GALNT17: variants seen among roughly 807,000 people sequenced by gnomAD.
GALNT17 encodes polypeptide N-acetylgalactosaminyltransferase 17, also known as UDP-GalNAc:polypeptide N-acetylgalactosaminyltransferase-like 3.
Under a neutral mutation model 63.7 loss-of-function variants are expected in GALNT17, and 29 were observed. That is an observed-to-expected ratio of 0.46 (90% CI 0.34 to 0.62). The LOEUF (loss-of-function observed/expected upper bound fraction) is 0.62, where lower values mean the gene tolerates loss of function less well. Among genes scored for constraint, GALNT17 ranks in the 20% least tolerant of loss-of-function variants. The pLI is 0.01. For missense variants in GALNT17, 603 were observed against 799.6 expected (o/e 0.75, Z 2.97); for synonymous variants, 305 against 318.3 (o/e 0.96, Z 0.45).
intron 9 of GALNT17, among the ~76,000 whole-genome samples, chr7:71,709,590 G>GT (rs998923792): frequency 1.0e-3 from 98 of 96,596 alleles, no homozygotes; most frequent in African/African-American, 3.7e-3. Context: ...TTTTTTTTTT[G>GT]TTTTTTTGGT....
At chr7:71,668,666 A>G (rs1791022077) in intron 7 of GALNT17, among the ~76,000 whole-genome samples, 1 of 152,126 alleles carries the variant, frequency 6.6e-6, no homozygotes, top group African/African-American at 2.4e-5. Context: ...TGACTGCCCA[A>G]GTGATCTTAA....
chr7:71,496,582 C>T (rs1360951039), intron 5 of GALNT17, among the ~76,000 whole-genome samples: 1 of 152,108 alleles, frequency 6.6e-6, no homozygotes, highest in Non-Finnish European at 1.5e-5. Context: ...CGAAGCCCAA[C>T]CTGAAAGGAG....
intron 2 of GALNT17, among the ~76,000 whole-genome samples, chr7:71,367,599 G>A (rs1016624689): frequency 2.0e-5 from 3 of 152,132 alleles, no homozygotes; most frequent in African/African-American, 4.8e-5. Context: ...TGAGGCCACC[G>A]GGAAATTGAG....
chr7:71,600,014 C>A (rs557859053), intron 6 of GALNT17, among the ~76,000 whole-genome samples: 22 of 151,852 alleles, frequency 1.4e-4, no homozygotes, highest in African/African-American at 5.3e-4. Context: ...GGACAAATAT[C>A]CCCCAGGAGA....
intron 5 of GALNT17, among the ~76,000 whole-genome samples, chr7:71,551,683 G>C (rs1789077494): frequency 6.6e-6 from 1 of 151,834 alleles, no homozygotes; most frequent in Non-Finnish European, 1.5e-5. Flanking sequence ...ACTGGAGCCT[G>C]GGAGGTTGAC....
chr7:71,698,145 A>T (rs191339365), intron 9 of GALNT17, among the ~76,000 whole-genome samples: 28 of 151,828 alleles, frequency 1.8e-4, no homozygotes, highest in African/African-American at 6.0e-4. Context: ...AAAAAAAGAA[A>T]AGAAAAGAAA....
chr7:71,543,202 T>C (rs1788923162), intron 5 of GALNT17, among the ~76,000 whole-genome samples: 1 of 152,198 alleles, frequency 6.6e-6, no homozygotes, highest in African/African-American at 2.4e-5. Context: ...ATAGTTCCCA[T>C]CCAAGTTATT....
intron 5 of GALNT17, among the ~76,000 whole-genome samples, chr7:71,427,850 C>T (rs771489723): frequency 7.9e-5 from 12 of 152,112 alleles, no homozygotes; most frequent in Non-Finnish European, 1.6e-4. Context: ...CTCATAGGAG[C>T]ACAAATCCTA....
chr7:71,407,653 C>A (rs1243194511), intron 3 of GALNT17, among the ~76,000 whole-genome samples: 3 of 152,160 alleles, frequency 2.0e-5, no homozygotes, highest in Admixed American at 6.5e-5. Flanking sequence ...GAAGCTGAGG[C>A]AGGAGGATCA....
intron 1 of GALNT17, among the ~76,000 whole-genome samples, chr7:71,236,761 C>A (rs1007093514): frequency 6.6e-6 from 1 of 152,168 alleles, no homozygotes; most frequent in Non-Finnish European, 1.5e-5. Context: ...ACCTCCCTCG[C>A]AGCACTTCTG....
At chr7:71,379,002 T>G (rs1249832930) in intron 2 of GALNT17, among the ~76,000 whole-genome samples, 1 of 151,734 alleles carries the variant, frequency 6.6e-6, no homozygotes, top group Non-Finnish European at 1.5e-5. Flanking sequence ...ACCCTATCTC[T>G]AAAAAAGAAA....
At chr7:71,424,200 T>C (rs1401971789) in intron 5 of GALNT17, among the ~76,000 whole-genome samples, 1 of 152,228 alleles carries the variant, frequency 6.6e-6, no homozygotes, top group African/African-American at 2.4e-5. Context: ...TGAGCTTTAA[T>C]GGCGAGTGCT....
intron 5 of GALNT17, among the ~76,000 whole-genome samples, chr7:71,519,742 G>A (rs975797882): frequency 2.0e-5 from 3 of 152,142 alleles, no homozygotes; most frequent in African/African-American, 7.2e-5. Context: ...GGGATTACAG[G>A]TGTGAGCCAC....
rs752968157 is a variant in GALNT17 at position 71,677,266 on chromosome 7, A to G, written c.1460A>G (p.His487Arg). 2 of 1,614,032 alleles carry G rather than the reference A, an allele frequency of 1.2e-6. No homozygotes were observed. Among genetic ancestry groups the G allele is most frequent in the Admixed American group, 1.7e-5 (1 of 59,992 alleles). Residue 487 changes from histidine (H) to arginine (R), a missense_variant, in exon 9 of 11, where the codon CAC becomes CGC. By Grantham distance (29) the His-to-Arg change is conservative. Transcript: ENST00000333538. ...VCLDQGPLEN[H>R]TAILYPCHGW... ...TTGGACCAGGGGCCGCTGGAGAACC[A>G]CACAGCAATATTGTATCCGTGCCAT...
At chr7:71,482,698 A>G (rs1787842786) in intron 5 of GALNT17, among the ~76,000 whole-genome samples, 1 of 152,182 alleles carries the variant, frequency 6.6e-6, no homozygotes, top group Non-Finnish European at 1.5e-5. Flanking sequence ...CAGTGAAAAC[A>G]TGGTATAAAG....
At chr7:71,533,978 T>C (rs1412095347) in intron 5 of GALNT17, among the ~76,000 whole-genome samples, 1 of 152,124 alleles carries the variant, frequency 6.6e-6, no homozygotes, top group African/African-American at 2.4e-5. Context: ...GAGTAAGGAA[T>C]TGATTAACAG....
intron 1 of GALNT17, among the ~76,000 whole-genome samples, chr7:71,138,338 T>TC (rs1175080273): frequency 2.0e-5 from 3 of 151,308 alleles, no homozygotes; most frequent in Non-Finnish European, 4.4e-5. Flanking sequence ...AAAAAAATCA[T>TC]GTGGAAGAGA....
At chr7:71,616,755 TTA>T (rs72344503) in intron 6 of GALNT17, among the ~76,000 whole-genome samples, 63,387 of 126,496 alleles carry the variant, frequency 0.5, 15,920 homozygotes, top group East Asian at 0.76. Context: ...TATATTATAT[TTA>T]TATGTTATAT....
At chr7:71,671,860 A>G (rs1218777232) in intron 8 of GALNT17, among the ~76,000 whole-genome samples, 2 of 152,052 alleles carry the variant, frequency 1.3e-5, no homozygotes, top group Non-Finnish European at 1.5e-5. Flanking sequence ...TCCTGTCTAT[A>G]TAGATATATA....
Sources: gnomAD v4.1 joint callset for allele counts (sites outside exome capture counted in the v4.1 genomes callset) on GRCh38, gnomAD v4.1.1 for gene constraint, MANE v1.5 for transcripts, NCBI Gene and HGNC (gene_info 2026-07-23, HGNC 2026-07-21) for gene names.